The following COBLL1 variants were observed in gnomAD, a reference collection of about 807,000 sequenced individuals.
COBLL1 encodes the protein cordon-bleu protein-like 1.
A neutral mutation model predicts 94.8 loss-of-function variants in COBLL1; 50 were observed. That is an observed-to-expected ratio of 0.53 (90% CI 0.42 to 0.67). The LOEUF is 0.67. Ranked by LOEUF, COBLL1 falls within the 30% of genes least tolerant of loss-of-function variation. The probability of loss-of-function intolerance (pLI) is 0.00; values close to 1 mark genes in which losing one functional copy is unlikely to be tolerated. For synonymous variants in COBLL1, 448 were observed against 473.8 expected (o/e 0.95, Z 0.71); for missense variants, 1,362 against 1,348.7 (o/e 1.01, Z -0.15).
intron 11 of COBLL1, chr2:164,698,316 T>C (rs1343066305): frequency 6.6e-6 from 1 of 151,508 alleles, no homozygotes; most frequent in African/African-American, 2.4e-5. Context: ...CACAATGGTA[T>C]TGAATGTGGG....
chr2:164,797,119 G>T (rs1683502321), intron 2 of COBLL1, among the ~76,000 whole-genome samples: 2 of 152,174 alleles, frequency 1.3e-5, no homozygotes, highest in Non-Finnish European at 2.9e-5. Context: ...GAAGGAAAAT[G>T]AAGTATTATT....
chr2:164,832,038 C>T (rs562593887), intron 2 of COBLL1, among the ~76,000 whole-genome samples: 90 of 152,312 alleles, frequency 5.9e-4, no homozygotes, highest in African/African-American at 1.9e-3. Context: ...ACATCTCAAT[C>T]AATACACAAC....
rs181219109 is a variant in COBLL1 at position 164,772,279 on chromosome 2, T to C, written c.42-28404A>G. ...CAACCTTAAATGTGATAAAGTTTCT[T>C]TATCAGCAAAATTTGGAAAATGTAA... On this transcript the variant is annotated intron_variant, in intron 2 of 13. Transcript: ENST00000652658. Among the ~76,000 whole-genome samples, 239 of 152,128 alleles carry C rather than the reference T, an allele frequency of 1.6e-3. 2 individuals are homozygous for C. Among genetic ancestry groups the C allele is most frequent in the Middle Eastern group, 0.01 (3 of 292 alleles).
chr2:164,831,157 A>C (rs1310664139), intron 2 of COBLL1, among the ~76,000 whole-genome samples: 1 of 151,986 alleles, frequency 6.6e-6, no homozygotes, highest in Non-Finnish European at 1.5e-5. Context: ...CACCATCTCT[A>C]CTAAAAATAC....
intron 3 of COBLL1, among the ~76,000 whole-genome samples, chr2:164,734,100 C>T (rs540259049): frequency 2.6e-5 from 4 of 152,076 alleles, no homozygotes; most frequent in African/African-American, 7.2e-5. Flanking sequence ...TTGACAGGCA[C>T]TCCAACCTAT....
At position 164,841,005 on chromosome 2, in the gene COBLL1, G is replaced by A; in HGVS notation, c.41+151C>T. On this transcript the variant is annotated intron_variant, in intron 2 of 13. Coordinates refer to ENST00000652658, the MANE Select transcript of COBLL1 (RefSeq NM_001365672.2). The surrounding 1 kb of genome is among the most constrained non-coding windows in gnomAD (Gnocchi z 5.5). ...GGGCGGCCTCCGAGAAGGCCGGGAG[G>A]AAGCAGCCTCCCCGGCCGCGTGGAG... is the stretch of plus-strand genomic sequence containing the variant. 2.3e-6 allele frequency: 2 copies of A among 876,568 alleles called. No individual in the cohort carries two copies. Among genetic ancestry groups the A allele is most frequent in the Non-Finnish European group, 3.0e-6 (2 of 666,224 alleles). The allele number at this position is 876,568 out of a possible 1,614,324, so 54.3% of individuals were successfully genotyped here.
intron 7 of COBLL1, among the ~76,000 whole-genome samples, chr2:164,708,107 A>T: frequency 6.6e-6 from 1 of 152,110 alleles, no homozygotes; most frequent in East Asian, 1.9e-4. Context: ...GTGCCTCATA[A>T]CAGGGGGGTG....
At chr2:164,794,131 T>C (rs1683321006) in intron 2 of COBLL1, among the ~76,000 whole-genome samples, 1 of 152,142 alleles carries the variant, frequency 6.6e-6, no homozygotes, top group Admixed American at 6.5e-5. Context: ...GAAAAAGAAT[T>C]GTCTACCCAT....
At chr2:164,747,198 T>A (rs76399861) in intron 2 of COBLL1, among the ~76,000 whole-genome samples, 6,067 of 151,806 alleles carry the variant, frequency 0.04, 394 homozygotes, top group African/African-American at 0.14. Context: ...ATTTTTTTTT[T>A]AAAATTAACT....
chr2:164,668,874 CT>C (rs375739547), intron 1 of COBLL1, among the ~76,000 whole-genome samples: 2 of 152,288 alleles, frequency 1.3e-5, no homozygotes, highest in Non-Finnish European at 2.9e-5. Context: ...AATTTATATA[CT>C]TTTTTCTTTT....
downstream of COBLL1, among the ~76,000 whole-genome samples, chr2:164,676,987 A>G (rs960168662): frequency 1.2e-4 from 18 of 152,202 alleles, no homozygotes; most frequent in African/African-American, 4.3e-4. Context: ...AACATCACTG[A>G]TAACTTACCT....
intron 2 of COBLL1, among the ~76,000 whole-genome samples, chr2:164,809,271 T>C (rs921777613): frequency 1.3e-5 from 2 of 152,020 alleles, no homozygotes; most frequent in African/African-American, 4.8e-5. Flanking sequence ...ATAGCATCCA[T>C]AAAAGCCATT....
chr2:164,710,712 C>T (rs1684853647), intron 7 of COBLL1, among the ~76,000 whole-genome samples: 1 of 151,920 alleles, frequency 6.6e-6, no homozygotes, highest in Non-Finnish European at 1.5e-5. Context: ...TACAGGCAGC[C>T]ACCACCATGC....
chr2:164,675,707 T>G (rs967883646), downstream of COBLL1, among the ~76,000 whole-genome samples: 1 of 152,230 alleles, frequency 6.6e-6, no homozygotes, highest in African/African-American at 2.4e-5. Context: ...AGACTAGGTT[T>G]TTGAGGTCTC....
chr2:164,776,765 T>G (rs1425447961), intron 2 of COBLL1, among the ~76,000 whole-genome samples: 1 of 152,052 alleles, frequency 6.6e-6, no homozygotes, highest in African/African-American at 2.4e-5. Context: ...ACTTTTCTTT[T>G]TAATTTGATC....
chr2:164,812,844 T>A (rs1426028354), intron 2 of COBLL1, among the ~76,000 whole-genome samples: 1 of 152,112 alleles, frequency 6.6e-6, no homozygotes, highest in African/African-American at 2.4e-5. Flanking sequence ...CATTATGCAG[T>A]TGCACCCTAC....
intron 2 of COBLL1, among the ~76,000 whole-genome samples, chr2:164,766,998 G>GATCAAT (rs1422830922): frequency 6.6e-6 from 1 of 152,086 alleles, no homozygotes; most frequent in Non-Finnish European, 1.5e-5. Flanking sequence ...CAATGGTTTG[G>GATCAAT]TATAAATGTT....
At chr2:164,695,891 T>G in intron 11 of COBLL1, 55 bp from the exon 12 acceptor site, 1 of 1,362,090 alleles carries the variant, frequency 7.3e-7, no homozygotes, top group South Asian at 1.4e-5. Context: ...AAACCTCAAG[T>G]TTTTAATGCC....
intron 2 of COBLL1, among the ~76,000 whole-genome samples, chr2:164,805,364 A>ATAT (rs1253271541): frequency 2.4e-5 from 1 of 41,090 alleles, no homozygotes; most frequent in South Asian, 7.8e-4. Flanking sequence ...TATATATATA[A>ATAT]AACTAAAGTT....
Sources: allele counts gnomAD v4.1 joint callset (sites outside exome capture counted in the v4.1 genomes callset), GRCh38; gene constraint gnomAD v4.1.1; non-coding constraint Gnocchi (gnomAD v3.1); transcripts MANE v1.5; gene names NCBI Gene and HGNC (gene_info 2026-07-23, HGNC 2026-07-21).